The following FAM184A variants were observed in gnomAD, a reference collection of about 807,000 sequenced individuals.
FAM184A encodes protein FAM184A.
In FAM184A, 99 loss-of-function variants were observed where a neutral mutation model predicts 143.8. That is an observed-to-expected ratio of 0.69 (90% confidence interval 0.58 to 0.81). FAM184A has a LOEUF of 0.81. Ranked by LOEUF, FAM184A falls within the 40% of genes least tolerant of loss-of-function variation. The probability of loss-of-function intolerance (pLI) is 0.00; values close to 1 mark genes in which losing one functional copy is unlikely to be tolerated. For missense variants in FAM184A, 1,217 were observed against 1,310.5 expected, an observed-to-expected ratio of 0.93 and a Z score of 1.10; for synonymous variants, 427 against 446.4, an observed-to-expected ratio of 0.96 and a Z score of 0.55.
rs552173234 is a variant in FAM184A, at chr6:119,038,469, C to T, written c.160-13656G>A. The stretch of plus-strand genomic sequence containing the variant: ...TGCAGTAAAGGAGTCAGCTAAAACC[C>T]ACCAAAACCAAAATGGCCAGGAGAG... On this transcript the variant is annotated intron_variant, in intron 1 of 17. Transcript: ENST00000338891. 3.2e-3 allele frequency among the ~76,000 whole-genome samples: 493 copies of T among 152,216 alleles called. 5 individuals carry two copies. Among genetic ancestry groups the T allele is most frequent in the African/African-American group, 0.012 (480 of 41,520 alleles).
intron 6 of FAM184A, chr6:119,009,469 A>C (rs993489555): frequency 6.5e-6 from 1 of 154,992 alleles, no homozygotes; most frequent in African/African-American, 2.4e-5. Flanking sequence ...CATCCATGTA[A>C]GATGTGACTT....
chr6:119,112,147 T>C (rs1269256853), intron 1 of FAM184A, among the ~76,000 whole-genome samples: 1 of 152,076 alleles, frequency 6.6e-6, no homozygotes, highest in Non-Finnish European at 1.5e-5. Flanking sequence ...CTTTTTTTTT[T>C]TCAGGTGTAG....
In FAM184A at chr6:119,015,277, CT is replaced by C. The variant is rs372236866; in HGVS notation, c.1530+1469del. Among the ~76,000 whole-genome samples the C allele has an allele frequency of 1.6e-3, 247 of 152,210 alleles. 1 individual carries two copies. Among genetic ancestry groups the C allele is most frequent in the African/African-American group, 5.8e-3 (242 of 41,546 alleles). The stretch of plus-strand genomic sequence containing the variant: ...TGCACTGCGGGAGCCCCTTTCTGGA[CT>C]GGCCAAGGCCAGAGCCGGCTCCCTC... On this transcript the variant is annotated intron_variant, in intron 5 of 17. Transcript: ENST00000338891.
chr6:119,114,079 C>T (rs1789000264), intron 1 of FAM184A, among the ~76,000 whole-genome samples: 1 of 152,096 alleles, frequency 6.6e-6, no homozygotes, highest in Admixed American at 6.5e-5. Flanking sequence ...TAGGAAAAAG[C>T]ATAGCATATA....
At chr6:119,007,667 G>C (rs143709964) in intron 6 of FAM184A, among the ~76,000 whole-genome samples, 4 of 152,128 alleles carry the variant, frequency 2.6e-5, no homozygotes, top group African/African-American at 9.7e-5. Flanking sequence ...AGGGCTGGGC[G>C]CGGTGGCTTA....
intron 3 of FAM184A, 110 bp downstream of exon 3, chr6:119,022,835 C>A: frequency 7.7e-7 from 1 of 1,294,060 alleles, no homozygotes; most frequent in South Asian, 1.4e-5. Flanking sequence ...CGAGATTGAG[C>A]CACTGCACTC....
chr6:119,140,789 C>G (rs1772208631), intron 1 of FAM184A, among the ~76,000 whole-genome samples: 1 of 152,212 alleles, frequency 6.6e-6, no homozygotes, highest in Non-Finnish European at 1.5e-5. Flanking sequence ...CTTTCAGAAT[C>G]CTGGTATGAG....
chr6:119,066,628 T>C (rs1787460922), intron 1 of FAM184A, among the ~76,000 whole-genome samples: 1 of 152,224 alleles, frequency 6.6e-6, no homozygotes, highest in African/African-American at 2.4e-5. Flanking sequence ...AAGATATACA[T>C]GGTCCTAAAT....
intron 5 of FAM184A, among the ~76,000 whole-genome samples, chr6:119,015,229 T>C (rs1436209569): frequency 2.0e-5 from 3 of 152,066 alleles, no homozygotes; most frequent in Non-Finnish European, 4.4e-5. Flanking sequence ...TGGTGGCACT[T>C]GAGGAGCCCT....
At position 119,135,605 on chromosome 6, in the gene FAM184A, C is replaced by T. The variant is rs1202050188; in HGVS notation, c.-202+13473G>A. Among the ~76,000 whole-genome samples the T allele has an allele frequency of 3.9e-5, 6 of 152,324 alleles. No homozygotes were observed. The East Asian group carries it at 7.7e-4, about 20-fold the overall frequency. On this transcript the variant is annotated intron_variant, in intron 1 of 16. Coordinates refer to the FAM184A transcript ENST00000352896. ...ACACATCAAGCATCTCCCCATCTTC[C>T]ATTCCTCCCTGTCAGAATAGAAAAG... is the stretch of plus-strand genomic sequence containing the variant.
At chr6:118,984,201 ATATATT>A (rs1431858091) in intron 9 of FAM184A, among the ~76,000 whole-genome samples, 9 of 140,034 alleles carry the variant, frequency 6.4e-5, no homozygotes, top group South Asian at 2.1e-4. Context: ...TTATATTTAT[ATATATT>A]TATATTTATA....
Position 118,980,291 on chromosome 6 carries a change from T to C in FAM184A, c.2148A>G (p.Gln716=). The C allele has an allele frequency of 6.2e-7, 1 of 1,614,158 alleles. No homozygotes were observed. The highest frequency in any genetic ancestry group is 8.5e-7 in the Non-Finnish European group (1 of 1,180,010). Residue 716 remains glutamine (Q), a synonymous_variant, in exon 10 of 18, where the codon CAA becomes CAG. Coordinates refer to ENST00000338891, the MANE Select transcript of FAM184A (RefSeq NM_024581.6). ...CTTGCGTAAACTGGGCTTGCAGTTG[T>C]TGCAAAGAAGTCTGAGACTGGGAAA... ...IQLSQSQTSL[Q]QLQAQFTQER... is the part of the protein sequence containing the mutation.
chr6:119,079,723 T>G (rs902084720), upstream of FAM184A, among the ~76,000 whole-genome samples: 2 of 152,210 alleles, frequency 1.3e-5, no homozygotes, highest in African/African-American at 4.8e-5. Context: ...AGCCAAAATA[T>G]AAATCTGAGA....
At chr6:119,078,848 C>G (rs1205587817), upstream of FAM184A, 2 of 153,664 alleles carry the variant, frequency 1.3e-5, no homozygotes, top group African/African-American at 4.8e-5. The surrounding 1 kb of genome is among the most constrained non-coding windows in gnomAD (Gnocchi z 5.5). Context: ...GCGGCCAGTG[C>G]GGGCGCCTCG....
intron 1 of FAM184A, among the ~76,000 whole-genome samples, chr6:119,053,056 G>A (rs1786824782): frequency 6.6e-6 from 1 of 152,168 alleles, no homozygotes; most frequent in South Asian, 2.1e-4. Flanking sequence ...AACAGCCAAA[G>A]GCATCGAAAT....
chr6:119,092,987 T>C (rs905841832), intron 1 of FAM184A, among the ~76,000 whole-genome samples: 10 of 152,292 alleles, frequency 6.6e-5, no homozygotes, highest in African/African-American at 2.4e-4. Flanking sequence ...CCTATAGTCT[T>C]GCATATTACA....
intron 1 of FAM184A, among the ~76,000 whole-genome samples, chr6:119,106,189 G>A (rs917729898): frequency 3.3e-5 from 5 of 152,030 alleles, no homozygotes; most frequent in South Asian, 4.2e-4. Context: ...TCAGGAGATC[G>A]AGACCATCCT....
At chr6:119,126,931 C>T (rs1789382032) in intron 1 of FAM184A, among the ~76,000 whole-genome samples, 1 of 152,188 alleles carries the variant, frequency 6.6e-6, no homozygotes, top group South Asian at 2.1e-4. Context: ...GAAGTCCCAT[C>T]ATCAAGCCAT....
Position 118,974,421 on chromosome 6 carries a change from G to T in FAM184A, c.2915+7C>A. The T allele has an allele frequency of 6.2e-7, 1 of 1,603,320 alleles. No homozygotes were observed. Among genetic ancestry groups the T allele is most frequent in the Non-Finnish European group, 8.5e-7 (1 of 1,175,354 alleles). ...ACATATGAATTTTCTTATATAATAT[G>T]ACTTACGACACTTGTAAAGCGGCAT... On this transcript the variant is annotated splice_region_variant and intron_variant, in intron 14 of 17. Transcript: ENST00000338891.
Sources: allele counts gnomAD v4.1 joint callset (sites outside exome capture counted in the v4.1 genomes callset), GRCh38; gene constraint gnomAD v4.1.1; non-coding constraint Gnocchi (gnomAD v3.1); transcripts MANE v1.5; gene names NCBI Gene and HGNC (gene_info 2026-07-23, HGNC 2026-07-21).